Variants in NFIB observed in about 807,000 individuals in gnomAD.
NFIB encodes nuclear factor 1 B-type.
Under a neutral mutation model 61.5 loss-of-function variants are expected in NFIB, and 11 were observed. The observed-to-expected ratio is 0.18, with a 90% CI of 0.11 to 0.30. The LOEUF is 0.30. Among genes scored for constraint, NFIB ranks in the 10% least tolerant of loss-of-function variants. The pLI, the probability that NFIB is intolerant of heterozygous loss-of-function variation, is 1.00. For synonymous variants in NFIB, 260 were observed against 216.5 expected (o/e 1.20, Z -1.76); for missense variants, 471 against 608.9 (o/e 0.77, Z 2.38).
intron 3 of NFIB, among the ~76,000 whole-genome samples, chr9:14,175,742 G>A (rs964712160): frequency 3.3e-5 from 5 of 152,134 alleles, no homozygotes; most frequent in African/African-American, 1.2e-4. Context: ...GTTATTCCCG[G>A]TAAGAAAGTT....
chr9:14,198,263 G>A (rs1248011320), intron 2 of NFIB, among the ~76,000 whole-genome samples: 1 of 152,112 alleles, frequency 6.6e-6, no homozygotes, highest in Non-Finnish European at 1.5e-5. Flanking sequence ...TGGGCTACGG[G>A]GAGGGAGCCT....
rs142971843 is a variant in NFIB at position 14,082,499 on chromosome 9, A to G, written c.*5810T>C. On this transcript the variant is annotated 3_prime_UTR_variant, in exon 11 of 11. Coordinates refer to ENST00000380953, the MANE Select transcript of NFIB (RefSeq NM_001190737.2). ...GAAGACATAATCTACTGCAGCTTTGAGAAACCTATGCCTGGGATGTAGTTA... is the reference window on the plus strand; with the variant it reads ...GAAGACATAATCTACTGCAGCTTTGGGAAACCTATGCCTGGGATGTAGTTA... The G allele has an allele frequency of 2.9e-4, 60 of 205,994 alleles. No individual in the cohort carries two copies. Among genetic ancestry groups the G allele is most frequent in the Non-Finnish European group, 5.3e-4 (53 of 100,364 alleles). The allele number at this position is 205,994 out of a possible 1,614,324, so 12.8% of individuals were successfully genotyped here.
intron 2 of NFIB, among the ~76,000 whole-genome samples, chr9:14,263,342 G>C (rs1006754698): frequency 2.4e-4 from 37 of 151,400 alleles, no homozygotes; most frequent in African/African-American, 8.7e-4. Flanking sequence ...GTTTCCTTCA[G>C]TTCTTCCCTA....
the NFIB span, among the ~76,000 whole-genome samples, chr9:14,424,398 A>C: frequency 6.6e-6 from 1 of 152,234 alleles, no homozygotes; most frequent in Non-Finnish European, 1.5e-5. Context: ...TGGAATTCAC[A>C]GAACACATTA....
chr9:14,160,890 C>A (rs1483091349), intron 3 of NFIB, among the ~76,000 whole-genome samples: 1 of 148,588 alleles, frequency 6.7e-6, no homozygotes. Flanking sequence ...GCCACTGCAA[C>A]CCACAGATTC....
chr9:14,205,887 C>T (rs945334287), intron 2 of NFIB, among the ~76,000 whole-genome samples: 2 of 151,712 alleles, frequency 1.3e-5, no homozygotes, highest in African/African-American at 2.4e-5. Context: ...TCTCTTTAAT[C>T]GTATATTTTG....
At chr9:14,414,196 G>C in the NFIB span, among the ~76,000 whole-genome samples, 1 of 152,018 alleles carries the variant, frequency 6.6e-6, no homozygotes, top group Non-Finnish European at 1.5e-5. Flanking sequence ...CTAGCACTTT[G>C]GGAGGCCAAG....
chr9:14,173,840 G>A (rs759105406), intron 3 of NFIB, among the ~76,000 whole-genome samples: 58 of 152,226 alleles, frequency 3.8e-4, no homozygotes, highest in Admixed American at 1.2e-3. Flanking sequence ...TTCCTAAATT[G>A]TCCCCTTTTT....
At chr9:14,290,405 G>A (rs529268311) in intron 2 of NFIB, among the ~76,000 whole-genome samples, 7 of 152,170 alleles carry the variant, frequency 4.6e-5, no homozygotes, top group Admixed American at 1.3e-4. Context: ...AGTATTGCAC[G>A]TCTACAATAC....
intron 2 of NFIB, among the ~76,000 whole-genome samples, chr9:14,274,251 TACACACACACACACACACAC>T (rs71321975): frequency 3.2e-5 from 4 of 123,974 alleles, no homozygotes; most frequent in South Asian, 6.3e-4. Flanking sequence ...TCTTCCTCCC[TACACACACACACACACACAC>T]ACACACACAC....
intron 10 of NFIB, among the ~76,000 whole-genome samples, chr9:14,091,549 A>G (rs2033909632): frequency 6.6e-6 from 1 of 152,080 alleles, no homozygotes; most frequent in Admixed American, 6.6e-5. Context: ...CATTCCAACT[A>G]TCTGCATTCC....
intron 2 of NFIB, among the ~76,000 whole-genome samples, chr9:14,262,788 T>C (rs2056889010): frequency 6.6e-6 from 1 of 152,144 alleles, no homozygotes. Flanking sequence ...GTTTATTTGT[T>C]TGTTTGTTTT....
At chr9:14,472,545 T>C in the NFIB span, among the ~76,000 whole-genome samples, 4 of 152,168 alleles carry the variant, frequency 2.6e-5, no homozygotes, top group Non-Finnish European at 5.9e-5. Context: ...TAGTAATTCG[T>C]TTTTATTACA....
chr9:14,432,684 G>A, the NFIB span, among the ~76,000 whole-genome samples: 3 of 152,200 alleles, frequency 2.0e-5, no homozygotes, highest in Admixed American at 2.0e-4. Context: ...AATTTGTGGG[G>A]GATAAGGGGC....
rs1036009298 is a variant in NFIB at position 14,087,029 on chromosome 9, G to C, written c.*1280C>G. The C allele has an allele frequency of 4.9e-6, 1 of 204,412 alleles. No homozygotes were observed. 12.7% of individuals were successfully genotyped at this position (204,412 alleles called of 1,614,324 possible). On this transcript the variant is annotated 3_prime_UTR_variant, in exon 11 of 11. Coordinates refer to ENST00000380953, the MANE Select transcript of NFIB (RefSeq NM_001190737.2). ...CCTGATTACATTTGTTTTCTCAAGAGTGCGTTTTTATATCCTACACCCTGG... is the reference window on the plus strand; with the variant it reads ...CCTGATTACATTTGTTTTCTCAAGACTGCGTTTTTATATCCTACACCCTGG...
the NFIB span, among the ~76,000 whole-genome samples, chr9:14,442,381 A>C: frequency 6.6e-6 from 1 of 152,224 alleles, no homozygotes; most frequent in Admixed American, 6.5e-5. Flanking sequence ...TGAGAGGATC[A>C]AATGAGCAAG....
At chr9:14,468,132 C>A in the NFIB span, among the ~76,000 whole-genome samples, 2 of 152,128 alleles carry the variant, frequency 1.3e-5, no homozygotes, top group Non-Finnish European at 2.9e-5. Flanking sequence ...GAAAACCAAC[C>A]GATTTGACAA....
chr9:14,305,609 A>G (rs955103573), intron 2 of NFIB: 3 of 157,028 alleles, frequency 1.9e-5, no homozygotes, highest in Non-Finnish European at 2.8e-5. Context: ...AATATTTCTA[A>G]AAGTGCAATG....
chr9:14,226,743 T>C (rs943709867), intron 2 of NFIB, among the ~76,000 whole-genome samples: 3 of 152,194 alleles, frequency 2.0e-5, no homozygotes, highest in Admixed American at 1.3e-4. Flanking sequence ...GGTAATTCTG[T>C]CTTTTCGATG....
Sources: allele counts gnomAD v4.1 joint callset (sites outside exome capture counted in the v4.1 genomes callset), GRCh38; gene constraint gnomAD v4.1.1; transcripts MANE v1.5; gene names NCBI Gene and HGNC (gene_info 2026-07-23, HGNC 2026-07-21).